MAP7D1: variants seen among roughly 807,000 people sequenced by gnomAD.
The protein encoded by MAP7D1 is MAP7 domain-containing protein 1.
Under a neutral mutation model 97.5 loss-of-function variants are expected in MAP7D1, and 30 were observed. The observed-to-expected ratio is 0.31, with a 90% CI of 0.23 to 0.42. The LOEUF (loss-of-function observed/expected upper bound fraction) is 0.42. Among genes scored for constraint, MAP7D1 ranks in the 10% least tolerant of loss-of-function variants. MAP7D1 has a pLI of 1.00. For missense variants in MAP7D1, 1,184 were observed against 1,179.5 expected, an observed-to-expected ratio of 1.00 and a Z score of -0.06; for synonymous variants, 536 against 477.1, an observed-to-expected ratio of 1.12 and a Z score of -1.61.
At position 36,159,035 on chromosome 1, in the gene MAP7D1, G is replaced by GTTATTTATTTAT. The variant is rs34482844; in HGVS notation, c.46+2599_46+2610dup. 7.3e-3 allele frequency among the ~76,000 whole-genome samples: 1,063 copies of GTTATTTATTTAT among 145,984 alleles called. 8 individuals are homozygous for GTTATTTATTTAT. The highest frequency in any genetic ancestry group is 0.035 in the East Asian group (177 of 4,994). ...AGTGCCCAATAAGTGCTAGCCATTT[G>GTTATTTATTTAT]TTATTTATTTATTTATTTATTTATT... On this transcript the variant is annotated intron_variant, in intron 1 of 16. Coordinates refer to ENST00000474796, the MANE Select transcript of MAP7D1 (RefSeq NM_001388490.1). The surrounding 1 kb of genome is among the most constrained non-coding windows in gnomAD (Gnocchi z 5.4).
At position 36,159,500 on chromosome 1, in the gene MAP7D1, C is replaced by T. The variant is rs1305986624; in HGVS notation, c.46+3037C>T. 4.2e-4 allele frequency among the ~76,000 whole-genome samples: 64 copies of T among 152,080 alleles called. 1 individual carries two copies. Among genetic ancestry groups the T allele is most frequent in the Non-Finnish European group, 2.9e-5 (2 of 68,028 alleles). On this transcript the variant is annotated intron_variant, in intron 1 of 16. Coordinates refer to ENST00000474796, the MANE Select transcript of MAP7D1 (RefSeq NM_001388490.1). This position sits in a 1 kb window ranked among gnomAD's most constrained non-coding sequence, Gnocchi z 5.4. ...CATGAGCTAGGGTGTATCCAGGGAA[C>T]GGAGGGGCCCCATACCTGAAGTGGA...
rs773925974 is a variant in MAP7D1, at chr1:36,176,172, C to T, written c.851-27C>T. On this transcript the variant is annotated intron_variant, in intron 6 of 16. Coordinates refer to ENST00000474796, the MANE Select transcript of MAP7D1 (RefSeq NM_001388490.1). The surrounding 1 kb of genome is among the most constrained non-coding windows in gnomAD (Gnocchi z 6.1). ...TGCCTCCTACGGCCCCCACGGTGAC[C>T]GGCTTCGCCTGGCCTTCTACCCCCA... The T allele has an allele frequency of 1.2e-6, 2 of 1,600,224 alleles. No individual in the cohort carries two copies. The highest frequency in any genetic ancestry group is 8.5e-7 in the Non-Finnish European group (1 of 1,177,218).
At chr1:36,165,592 A>AT (rs1553183798) in intron 1 of MAP7D1, among the ~76,000 whole-genome samples, 2 of 151,292 alleles carry the variant, frequency 1.3e-5, no homozygotes, top group African/African-American at 4.9e-5. Flanking sequence ...ATTTAAAAAA[A>AT]TTTTTTTAGA....
At position 36,171,111 on chromosome 1, in the gene MAP7D1, C is replaced by T. The variant is rs1470883171; in HGVS notation, c.187C>T (p.Gln63Ter). Residue 63 changes from glutamine to a stop codon, truncating the protein, a stop_gained, in exon 2 of 17, where the codon CAG becomes TAG. Coordinates refer to ENST00000474796, the MANE Select transcript of MAP7D1 (RefSeq NM_001388490.1). LOFTEE classifies it high-confidence loss of function. ...CATGAAGAATGCCACTAGCTCTAAG[C>T]AGCTCCCACTGGAACCAGAGAGCCC... The part of the protein sequence containing the change: ...PAMKNATSSK[Q>*]LPLEPESPSG... 1.2e-6 allele frequency: 2 copies of T among 1,613,734 alleles called. No homozygotes were observed. Among genetic ancestry groups the T allele is most frequent in the Non-Finnish European group, 8.5e-7 (1 of 1,179,890 alleles).
Position 36,179,513 on chromosome 1 carries a change from A to C in MAP7D1, c.2185-2A>C. On this transcript the variant is annotated splice_acceptor_variant, in intron 13 of 16. Transcript: ENST00000474796. LOFTEE classifies it high-confidence loss of function. ...CCTGACTGCTCTTCCTCTTCAAAGCAGAAGCAGGACAGCAAGGAGGCCAAC... is the reference window on the plus strand; with the variant it reads ...CCTGACTGCTCTTCCTCTTCAAAGCCGAAGCAGGACAGCAAGGAGGCCAAC... 1 of 1,580,370 alleles carries C rather than the reference A, an allele frequency of 6.3e-7. No individual in the cohort carries two copies. Among genetic ancestry groups the C allele is most frequent in the East Asian group, 2.3e-5 (1 of 43,642 alleles).
chr1:36,175,160 C>T (rs180880396), intron 6 of MAP7D1, 152 bp downstream of exon 6: 12 of 629,066 alleles, frequency 1.9e-5, no homozygotes, highest in East Asian at 5.5e-5. Flanking sequence ...CTGTGCCCCT[C>T]GGGGGAGCCG....
chr1:36,180,373 T>A lies in MAP7D1; in HGVS notation c.*115T>A. 3 of 1,461,228 alleles carry A rather than the reference T, an allele frequency of 2.1e-6. No homozygotes were observed. The highest frequency in any genetic ancestry group is 1.9e-6 in the Non-Finnish European group (2 of 1,041,984). 90.5% of individuals were successfully genotyped at this position (1,461,228 alleles called of 1,614,324 possible). The stretch of plus-strand genomic sequence containing the variant: ...TGGAAGTGGCCTGGGCCCCTGGGGG[T>A]GGGTCCTCTCTGTTGTTTTTAATCT... On this transcript the variant is annotated 3_prime_UTR_variant, in exon 17 of 17. Transcript: ENST00000474796.
chr1:36,178,872 G>C (rs1279471892), intron 11 of MAP7D1, 49 bp downstream of exon 11: 1 of 1,548,514 alleles, frequency 6.5e-7, no homozygotes, highest in Admixed American at 2.0e-5. Flanking sequence ...CGCGGGCCGG[G>C]AGGGAAGGCT....
chr1:36,162,806 C>G (rs1457999792), intron 1 of MAP7D1, among the ~76,000 whole-genome samples: 1 of 152,050 alleles, frequency 6.6e-6, no homozygotes, highest in South Asian at 2.1e-4. Context: ...TACAGTACCC[C>G]CACCCACATA....
chr1:36,174,866 C>T (rs762138775), intron 5 of MAP7D1, 32 bp from the exon 6 acceptor site: 16 of 1,417,828 alleles, frequency 1.1e-5, no homozygotes, highest in African/African-American at 4.2e-5. Context: ...CTGCCGGGCC[C>T]GGCCCTAATG....
In MAP7D1 at chr1:36,179,772, C is replaced by A; in HGVS notation, c.2318+16C>A. 1 of 1,536,924 alleles carries A rather than the reference C, an allele frequency of 6.5e-7. No individual in the cohort carries two copies. Among genetic ancestry groups the A allele is most frequent in the South Asian group, 1.3e-5 (1 of 78,254 alleles). Reference sequence around the variant, plus strand: ...CTCAGTGGAGGTACCAGCTTCCAATCCCAGGGTCCCTGAGCAGGGAGGCAG... The same window carrying A: ...CTCAGTGGAGGTACCAGCTTCCAATACCAGGGTCCCTGAGCAGGGAGGCAG... On this transcript the variant is annotated intron_variant, in intron 15 of 16. Coordinates refer to ENST00000474796, the MANE Select transcript of MAP7D1 (RefSeq NM_001388490.1).
intron 1 of MAP7D1, among the ~76,000 whole-genome samples, chr1:36,169,339 G>A (rs1644512216): frequency 1.3e-5 from 2 of 151,496 alleles, no homozygotes; most frequent in South Asian, 4.2e-4. Flanking sequence ...GGCGGATCAT[G>A]AGGTCAGGAA....
chr1:36,173,295 A>G, intron 4 of MAP7D1, 69 bp from the exon 5 acceptor site: 1 of 1,175,120 alleles, frequency 8.5e-7, no homozygotes, highest in Non-Finnish European at 1.2e-6. Flanking sequence ...AGGAGGAAGA[A>G]GGGCCTCTAT....
Position 36,180,278 on chromosome 1 carries a change from G to C in MAP7D1, c.*20G>C, listed in dbSNP as rs201973306. 4 of 1,614,034 alleles carry C rather than the reference G, an allele frequency of 2.5e-6. No homozygotes were observed. Among genetic ancestry groups the C allele is most frequent in the Admixed American group, 3.3e-5 (2 of 60,006 alleles). On this transcript the variant is annotated 3_prime_UTR_variant, in exon 17 of 17. Coordinates refer to ENST00000474796, the MANE Select transcript of MAP7D1 (RefSeq NM_001388490.1). ...CTTTAAGAGGGTTTGCCTTGGATCC[G>C]GGCACAGTTGTGAGGGCTCCTCTGC...
In MAP7D1 at chr1:36,178,420, C is replaced by G. The variant is rs765722134; in HGVS notation, c.1710C>G (p.Asp570Glu). ...GCCTGATCCCGGATCCCCCTCCAGACGCTGCTGTCTTGACCTCACCCCCAG... is the reference window on the plus strand; with the variant it reads ...GCCTGATCCCGGATCCCCCTCCAGAGGCTGCTGTCTTGACCTCACCCCCAG... ...KEQPPAETPT[D>E]AAVLTSPPAP... The change falls in exon 10 of 17, where the codon GAC becomes GAG. Residue 570 changes from aspartate to glutamate, a missense_variant and splice_region_variant. Coordinates refer to ENST00000474796, the MANE Select transcript of MAP7D1 (RefSeq NM_001388490.1). 1.2e-6 allele frequency: 2 copies of G among 1,608,510 alleles called. No homozygotes were observed. Among genetic ancestry groups the G allele is most frequent in the Non-Finnish European group, 1.7e-6 (2 of 1,178,008 alleles).
At position 36,176,135 on chromosome 1, in the gene MAP7D1, C is replaced by T. The variant is rs964485619; in HGVS notation, c.851-64C>T. ...ATGGGGATGGTGCCTGGTCTGCTCC[C>T]TTGCCTCTTCCTGCCTCCTACGGCC... is the stretch of plus-strand genomic sequence containing the variant. On this transcript the variant is annotated intron_variant, in intron 6 of 16. Transcript: ENST00000474796. The surrounding 1 kb of genome is among the most constrained non-coding windows in gnomAD (Gnocchi z 6.1). 7.2e-5 allele frequency: 114 copies of T among 1,573,864 alleles called. No individual in the cohort carries two copies. The highest frequency in any genetic ancestry group is 8.8e-5 in the Non-Finnish European group (102 of 1,164,622).
intron 13 of MAP7D1, 72 bp from the exon 14 acceptor site, chr1:36,179,443 G>C: frequency 6.4e-7 from 1 of 1,574,712 alleles, no homozygotes; most frequent in Non-Finnish European, 8.6e-7. Context: ...GGCAAGGGGA[G>C]GGCCGAACTC....
chr1:36,176,676 C>G lies in MAP7D1; in HGVS notation c.1234-21C>G. ...CGCTGCTGACCTCTACTCTCCTCTT[C>G]CGTTCCTCCTTCCCTGCCAGGTGCA... is the stretch of plus-strand genomic sequence containing the variant. On this transcript the variant is annotated intron_variant, in intron 7 of 16. Transcript: ENST00000474796. The surrounding 1 kb of genome is among the most constrained non-coding windows in gnomAD (Gnocchi z 6.1). 6.2e-7 allele frequency: 1 copy of G among 1,604,504 alleles called. No individual in the cohort carries two copies. The highest frequency in any genetic ancestry group is 8.5e-7 in the Non-Finnish European group (1 of 1,176,994).
At position 36,159,929 on chromosome 1, in the gene MAP7D1, A is replaced by G. The variant is rs1644385625; in HGVS notation, c.46+3466A>G. Among the ~76,000 whole-genome samples, 3 of 152,148 alleles carry G rather than the reference A, an allele frequency of 2.0e-5. No individual in the cohort carries two copies. Among genetic ancestry groups the G allele is most frequent in the Non-Finnish European group, 4.4e-5 (3 of 68,014 alleles). Reference sequence around the variant, plus strand: ...TGGTGGGCCCAATAATGAGGCCTCTAATGAGCCCCTAATGTGCAGTCACGC... The same window carrying G: ...TGGTGGGCCCAATAATGAGGCCTCTGATGAGCCCCTAATGTGCAGTCACGC... On this transcript the variant is annotated intron_variant, in intron 1 of 16. Coordinates refer to ENST00000474796, the MANE Select transcript of MAP7D1 (RefSeq NM_001388490.1). This position sits in a 1 kb window ranked among gnomAD's most constrained non-coding sequence, Gnocchi z 5.4.
Sources: allele counts gnomAD v4.1 joint callset (sites outside exome capture counted in the v4.1 genomes callset), GRCh38; gene constraint gnomAD v4.1.1; non-coding constraint Gnocchi (gnomAD v3.1); transcripts MANE v1.5; gene names NCBI Gene and HGNC (gene_info 2026-07-23, HGNC 2026-07-21).